Variants in JCHAIN observed in about 807,000 individuals in gnomAD.
JCHAIN encodes immunoglobulin J chain.
In JCHAIN, 5 loss-of-function variants were observed where a neutral mutation model predicts 11.1. The observed-to-expected ratio is 0.45, with a 90% CI of 0.24 to 0.95. The LOEUF is 0.95. Ranked by LOEUF, JCHAIN falls within the 40% of genes least tolerant of loss-of-function variation. JCHAIN has a pLI of 0.21. For missense variants in JCHAIN, 165 were observed against 192.7 expected, an observed-to-expected ratio of 0.86 and a Z score of 0.85; for synonymous variants, 51 against 67.8, an observed-to-expected ratio of 0.75 and a Z score of 1.22.
intron 1 of JCHAIN, among the ~76,000 whole-genome samples, chr4:70,662,806 A>G (rs1005341744): frequency 6.6e-6 from 1 of 152,030 alleles, no homozygotes; most frequent in Non-Finnish European, 1.5e-5. Flanking sequence ...TAAAAACACA[A>G]AAATTAGCCG....
intron 2 of JCHAIN, among the ~76,000 whole-genome samples, chr4:70,660,832 A>G (rs1739040545): frequency 6.6e-6 from 1 of 152,226 alleles, no homozygotes. Flanking sequence ...ACTTTTAAGC[A>G]GGATGGTGAC....
chr4:70,662,923 C>G (rs1299587027), intron 1 of JCHAIN, among the ~76,000 whole-genome samples: 1 of 150,882 alleles, frequency 6.6e-6, no homozygotes, highest in African/African-American at 2.4e-5. Context: ...CGTGCCACTG[C>G]ACTCCAGCTT....
chr4:70,658,952 T>C (rs1739004507), intron 2 of JCHAIN, among the ~76,000 whole-genome samples: 1 of 152,236 alleles, frequency 6.6e-6, no homozygotes, highest in South Asian at 2.1e-4. Flanking sequence ...ATAAACTGTT[T>C]TATCCCCACC....
At chr4:70,665,202 T>C (rs1297379944) in intron 1 of JCHAIN, among the ~76,000 whole-genome samples, 1 of 152,200 alleles carries the variant, frequency 6.6e-6, no homozygotes, top group Non-Finnish European at 1.5e-5. Context: ...GAGTGCGGGC[T>C]ATAGGGTCAG....
chr4:70,659,549 CAAAAAAAAAAAA>C (rs35627461), intron 2 of JCHAIN, among the ~76,000 whole-genome samples: 57 of 16,552 alleles, frequency 3.4e-3, no homozygotes, highest in South Asian at 0.023. Flanking sequence ...GACTCTGTCT[CAAAAAAAAAAAA>C]AAAAAAAAAA....
intron 3 of JCHAIN, among the ~76,000 whole-genome samples, 171 bp from the exon 4 acceptor site, chr4:70,656,710 A>C (rs1738956439): frequency 6.6e-6 from 1 of 152,214 alleles, no homozygotes; most frequent in Admixed American, 6.5e-5. Flanking sequence ...GGGATTTTCC[A>C]ATCTTTAATA....
chr4:70,659,190 A>G (rs996632091), intron 2 of JCHAIN, among the ~76,000 whole-genome samples: 2 of 152,166 alleles, frequency 1.3e-5, no homozygotes, highest in African/African-American at 4.8e-5. Context: ...AAGTTTAGGA[A>G]AAAGGCTAGT....
intron 2 of JCHAIN, among the ~76,000 whole-genome samples, chr4:70,659,476 GGAGGCA>G (rs1015703882): frequency 2.7e-5 from 4 of 146,440 alleles, no homozygotes; most frequent in African/African-American, 1.0e-4. Context: ...CTTGAACCTG[GGAGGCA>G]GAGGTTGCAG....
chr4:70,663,474 G>A (rs1739097598), intron 1 of JCHAIN: 1 of 152,156 alleles, frequency 6.6e-6, no homozygotes. Flanking sequence ...TGGGATTACA[G>A]AGCCACCGCA....
chr4:70,656,824 A>G (rs1378989643), intron 3 of JCHAIN, among the ~76,000 whole-genome samples: 1 of 152,204 alleles, frequency 6.6e-6, no homozygotes, highest in African/African-American at 2.4e-5. Flanking sequence ...TCCCAACTGT[A>G]TATCTGTCTA....
intron 2 of JCHAIN, 120 bp downstream of exon 2, chr4:70,661,972 G>A: frequency 2.2e-6 from 2 of 899,030 alleles, no homozygotes; most frequent in Non-Finnish European, 3.4e-6. Context: ...CTTTACTCAT[G>A]TAAAGTGCTA....
Position 70,664,539 on chromosome 4 carries a change from A to G in JCHAIN, c.64+1888T>C, listed in dbSNP as rs911829490. Among the ~76,000 whole-genome samples, 13 of 152,326 alleles carry G rather than the reference A, an allele frequency of 8.5e-5. No individual in the cohort carries two copies. The East Asian group carries it at 2.5e-3, about 29-fold the overall frequency. ...TTGTAATTGTTTGAAGTACTTTATAATGCATTATTATACCATTATTCATAA... is the reference window on the plus strand; with the variant it reads ...TTGTAATTGTTTGAAGTACTTTATAGTGCATTATTATACCATTATTCATAA... On this transcript the variant is annotated intron_variant, in intron 1 of 3. Coordinates refer to ENST00000254801, the MANE Select transcript of JCHAIN (RefSeq NM_144646.4).
chr4:70,665,197 C>T lies in JCHAIN; in HGVS notation c.64+1230G>A, dbSNP rs903836689. On this transcript the variant is annotated intron_variant, in intron 1 of 3. Transcript: ENST00000254801. ...AAGGCAGAATAGGATAGTAGGAGTG[C>T]GGGCTATAGGGTCAGATTGCCTGGG... Among the ~76,000 whole-genome samples, 6 of 152,078 alleles carry T rather than the reference C, an allele frequency of 3.9e-5. No individual in the cohort carries two copies. In the South Asian group the frequency reaches 6.2e-4, roughly 16 times the overall value.
chr4:70,659,213 C>T (rs1739008877), intron 2 of JCHAIN, among the ~76,000 whole-genome samples: 2 of 151,814 alleles, frequency 1.3e-5, no homozygotes, highest in East Asian at 3.9e-4. Context: ...AGTAACTTGC[C>T]CAAAGTCACA....
intron 1 of JCHAIN, 54 bp downstream of exon 1, chr4:70,666,373 G>A: frequency 7.8e-7 from 1 of 1,282,094 alleles, no homozygotes; most frequent in Non-Finnish European, 1.1e-6. Context: ...CTGAAAAACA[G>A]ATCTGTCCTA....
chr4:70,659,376 C>G (rs1235328057), intron 2 of JCHAIN, among the ~76,000 whole-genome samples: 1 of 150,988 alleles, frequency 6.6e-6, no homozygotes, highest in Non-Finnish European at 1.5e-5. Context: ...ATGATGAAAC[C>G]TTGTCTCTAC....
chr4:70,665,889 G>A, intron 1 of JCHAIN: 1 of 330,480 alleles, frequency 3.0e-6, no homozygotes, highest in South Asian at 2.4e-5. Context: ...TCCATTTTCT[G>A]AAGTTGTTTG....
chr4:70,661,140 T>C (rs1025337293), intron 2 of JCHAIN, among the ~76,000 whole-genome samples: 2 of 152,196 alleles, frequency 1.3e-5, no homozygotes, highest in Non-Finnish European at 2.9e-5. Context: ...TCTCTTTCTA[T>C]AGGAGATTTG....
intron 1 of JCHAIN, among the ~76,000 whole-genome samples, chr4:70,662,616 C>T (rs1739081771): frequency 6.6e-6 from 1 of 150,670 alleles, no homozygotes; most frequent in Non-Finnish European, 1.5e-5. Flanking sequence ...TAATAACAAT[C>T]AGATTATCAT....
Sources: allele counts gnomAD v4.1 joint callset (sites outside exome capture counted in the v4.1 genomes callset), GRCh38; gene constraint gnomAD v4.1.1; transcripts MANE v1.5; gene names NCBI Gene and HGNC (gene_info 2026-07-23, HGNC 2026-07-21).